The following KIAA1549L variants were observed in gnomAD, a reference collection of about 807,000 sequenced individuals.
The protein encoded by KIAA1549L is UPF0606 protein KIAA1549L.
In KIAA1549L, 88 loss-of-function variants were observed where a neutral mutation model predicts 160.7. That is an observed-to-expected ratio of 0.55 (90% confidence interval 0.46 to 0.65). The LOEUF (loss-of-function observed/expected upper bound fraction) is 0.65. Ranked by LOEUF, KIAA1549L falls within the 30% of genes least tolerant of loss-of-function variation. KIAA1549L has a pLI of 0.00. For synonymous variants in KIAA1549L, 950 were observed against 976.7 expected (o/e 0.97, Z 0.51); for missense variants, 2,258 against 2,437.5 (o/e 0.93, Z 1.55).
intron 1 of KIAA1549L, among the ~76,000 whole-genome samples, chr11:33,467,114 A>G (rs1483388887): frequency 1.3e-5 from 2 of 152,246 alleles, no homozygotes; most frequent in African/African-American, 2.4e-5. Flanking sequence ...AACTTAAAGT[A>G]TAATAAGAAA....
chr11:33,583,263 G>C (rs147613647), intron 10 of KIAA1549L, 75 bp from the exon 11 acceptor site: 44,351 of 1,380,086 alleles, frequency 0.032, 893 homozygotes, highest in Non-Finnish European at 0.037. Flanking sequence ...GGACTGGGGT[G>C]GGGGGTTATG....
At chr11:33,410,425 T>G (rs1850764041) in intron 1 of KIAA1549L, among the ~76,000 whole-genome samples, 1 of 152,138 alleles carries the variant, frequency 6.6e-6, no homozygotes, top group Non-Finnish European at 1.5e-5. Context: ...AGAAAACCAC[T>G]AAAAAAGAGG....
At chr11:33,664,552 TG>T (rs1345691129) in intron 20 of KIAA1549L, among the ~76,000 whole-genome samples, 3 of 152,212 alleles carry the variant, frequency 2.0e-5, no homozygotes, top group Non-Finnish European at 2.9e-5. Context: ...TATTAGGACA[TG>T]GGACCTTTGG....
In KIAA1549L at chr11:33,544,220, C is replaced by A; in HGVS notation, c.2657C>A (p.Pro886Gln). The change falls in exon 2 of 21, where the codon CCA becomes CAA. Residue 886 changes from proline (P) to glutamine (Q), a missense_variant. Around this residue, in one of 6 missense-constraint regions of KIAA1549L, gnomAD observed 287 missense variants for 292.3 expected, o/e 0.98. Coordinates refer to ENST00000658780, the MANE Select transcript of KIAA1549L (RefSeq NM_012194.3). ...NSSPERNAST[P>Q]FQNILGYHSA... ...TCACCTGAGAGAAATGCTTCCACAC[C>A]ATTCCAGAACATCTTGGGATATCAC... The A allele has an allele frequency of 6.2e-7, 1 of 1,613,994 alleles. No homozygotes were observed.
chr11:33,562,922 C>A (rs961091139), intron 8 of KIAA1549L, among the ~76,000 whole-genome samples: 2 of 151,998 alleles, frequency 1.3e-5, no homozygotes, highest in Non-Finnish European at 2.9e-5. Flanking sequence ...CTCAGCCGAT[C>A]TGCCCGCCTT....
rs147020531 is a variant in KIAA1549L, at chr11:33,572,067, C to T, written c.4231-2635C>T. 5.4e-3 allele frequency among the ~76,000 whole-genome samples: 822 copies of T among 151,074 alleles called. 10 individuals carry two copies. Among genetic ancestry groups the T allele is most frequent in the African/African-American group, 0.018 (760 of 41,136 alleles). ...TTTTTTTTTTTTTGAGATAAAGTCT[C>T]GCTCTGTCGCCCAGGCTGGAGTGCA... On this transcript the variant is annotated intron_variant, in intron 9 of 20. Transcript: ENST00000658780.
rs138063173 is a variant in KIAA1549L at position 33,408,489 on chromosome 11, GTATATATA to G, written c.238+31615_238+31622del. Among the ~76,000 whole-genome samples the G allele has an allele frequency of 2.7e-3, 331 of 123,066 alleles. 3 individuals are homozygous for G. Among genetic ancestry groups the G allele is most frequent in the African/African-American group, 0.01 (320 of 31,016 alleles). The allele number at this position is 123,066 out of a possible 152,430, so 80.7% of individuals were successfully genotyped here. A position where few individuals can be genotyped will look rare whatever the true frequency, so the allele number is the denominator to read the frequency against. On this transcript the variant is annotated intron_variant, in intron 1 of 20. Transcript: ENST00000658780. ...ATATATATACATACTCTGTATATGT[GTATATATA>G]TATATATATATATACACATGTATAT... is the stretch of plus-strand genomic sequence containing the variant.
At chr11:33,529,955 C>T (rs367884984) in intron 1 of KIAA1549L, among the ~76,000 whole-genome samples, 1 of 152,046 alleles carries the variant, frequency 6.6e-6, no homozygotes, top group East Asian at 1.9e-4. Context: ...GATGTTTAGT[C>T]TTTTTGCCCA....
chr11:33,618,885 A>G (rs1850890931), intron 16 of KIAA1549L, among the ~76,000 whole-genome samples: 1 of 152,268 alleles, frequency 6.6e-6, no homozygotes, highest in South Asian at 2.1e-4. Context: ...GAATTGTGCC[A>G]TGTTATGAAT....
At chr11:33,393,322 C>G (rs559935215) in intron 1 of KIAA1549L, among the ~76,000 whole-genome samples, 1 of 152,198 alleles carries the variant, frequency 6.6e-6, no homozygotes, top group Non-Finnish European at 1.5e-5. Context: ...ATGCACTCTG[C>G]CCTCTGCCTT....
In KIAA1549L at chr11:33,583,366, G is replaced by A. The variant is rs1310336607; in HGVS notation, c.4431G>A (p.Leu1477=). ...DPVVKNPPNN[L]WIIAAVLAPI... is the part of the protein sequence containing the mutation. ...TGGTGAAGAACCCGCCCAATAACCT[G>A]TGGATCATCGCTGCAGTGCTGGCGC... The change falls in exon 11 of 21, where the codon CTG becomes CTA. Residue 1477 remains leucine (L), a synonymous_variant. Coordinates refer to ENST00000658780, the MANE Select transcript of KIAA1549L (RefSeq NM_012194.3). The A allele has an allele frequency of 1.9e-6, 3 of 1,606,200 alleles. No individual in the cohort carries two copies. Among genetic ancestry groups the A allele is most frequent in the Middle Eastern group, 1.7e-4 (1 of 6,048 alleles).
rs117947089 is a variant in KIAA1549L, at chr11:33,392,016, T to C, written c.238+15127T>C. On this transcript the variant is annotated intron_variant, in intron 1 of 20. Coordinates refer to ENST00000658780, the MANE Select transcript of KIAA1549L (RefSeq NM_012194.3). Reference sequence around the variant, plus strand: ...TCACTGGATCAAGGGTTTAATCTTATTGAGTCCCCATGACGATGACACTGT... The same window carrying C: ...TCACTGGATCAAGGGTTTAATCTTACTGAGTCCCCATGACGATGACACTGT... Among the ~76,000 whole-genome samples, 1,169 of 152,322 alleles carry C rather than the reference T, an allele frequency of 7.7e-3. 14 individuals are homozygous for C. The highest frequency in any genetic ancestry group is 0.01 in the Non-Finnish European group (698 of 68,026).
intron 1 of KIAA1549L, among the ~76,000 whole-genome samples, chr11:33,420,235 GTTTT>G (rs35430385): frequency 2.2e-5 from 1 of 46,266 alleles, no homozygotes. Context: ...TTTTTTTTTT[GTTTT>G]TTTTTTTTTT....
chr11:33,582,463 C>T (rs774366504), intron 10 of KIAA1549L, among the ~76,000 whole-genome samples: 2 of 152,166 alleles, frequency 1.3e-5, no homozygotes, highest in Non-Finnish European at 2.9e-5. Flanking sequence ...ACCAGGCTTA[C>T]AAGAGTTTGA....
intron 1 of KIAA1549L, among the ~76,000 whole-genome samples, chr11:33,431,120 C>T (rs1485865425): frequency 6.6e-6 from 1 of 152,138 alleles, no homozygotes; most frequent in Non-Finnish European, 1.5e-5. Flanking sequence ...TTGTTCGTTC[C>T]TCCTGGTGGG....
In KIAA1549L at chr11:33,598,806, A is replaced by G. The variant is rs1850277848; in HGVS notation, c.4752-14A>G. On this transcript the variant is annotated splice_polypyrimidine_tract_variant and intron_variant, in intron 12 of 20. Transcript: ENST00000658780. Reference sequence around the variant, plus strand: ...GAAACTTACCGTCTCCCCTGTTGCTATGGTTACCTCCAGCAGGTCGCCCAG... The same window carrying G: ...GAAACTTACCGTCTCCCCTGTTGCTGTGGTTACCTCCAGCAGGTCGCCCAG... The G allele has an allele frequency of 1.2e-6, 2 of 1,613,578 alleles. No individual in the cohort carries two copies. The highest frequency in any genetic ancestry group is 1.3e-5 in the African/African-American group (1 of 74,916).
At chr11:33,568,456 T>A (rs1855131692) in intron 9 of KIAA1549L, among the ~76,000 whole-genome samples, 1 of 152,152 alleles carries the variant, frequency 6.6e-6, no homozygotes, top group Non-Finnish European at 1.5e-5. Context: ...ACTAACTAGG[T>A]TATAACACAA....
chr11:33,614,124 C>T (rs1374920325), intron 15 of KIAA1549L, among the ~76,000 whole-genome samples: 1 of 152,126 alleles, frequency 6.6e-6, no homozygotes, highest in Non-Finnish European at 1.5e-5. Flanking sequence ...TGGATAAATA[C>T]CCCTGGCAAG....
intron 10 of KIAA1549L, among the ~76,000 whole-genome samples, chr11:33,581,037 C>T (rs993907621): frequency 1.3e-5 from 2 of 152,138 alleles, no homozygotes; most frequent in African/African-American, 2.4e-5. Flanking sequence ...AGTCTGACAC[C>T]TAGCATCGAG....
Sources: allele counts gnomAD v4.1 joint callset (sites outside exome capture counted in the v4.1 genomes callset), GRCh38; gene constraint gnomAD v4.1.1; regional missense constraint gnomAD v4.1.1; transcripts MANE v1.5; gene names NCBI Gene and HGNC (gene_info 2026-07-23, HGNC 2026-07-21).